The following KCNJ10 variants were observed in gnomAD, a reference collection of about 807,000 sequenced individuals.
KCNJ10 encodes the protein ATP-sensitive inward rectifier potassium channel 10.
In KCNJ10, 9 loss-of-function variants were observed where a neutral mutation model predicts 22.2. That is an observed-to-expected ratio of 0.40 (90% CI 0.24 to 0.71). The LOEUF is 0.71. KCNJ10 is among the 30% of genes least tolerant of loss of function. The pLI is 0.35. For synonymous variants in KCNJ10, 184 were observed against 187.3 expected (o/e 0.98, Z 0.15); for missense variants, 337 against 482.7 (o/e 0.70, Z 2.83).
chr1:160,043,027 T>C (rs1052759047), intron 1 of KCNJ10, among the ~76,000 whole-genome samples: 2 of 152,066 alleles, frequency 1.3e-5, no homozygotes, highest in Non-Finnish European at 2.9e-5. Flanking sequence ...AAGATGCCTA[T>C]TTAGTAAGCA....
intron 1 of KCNJ10, among the ~76,000 whole-genome samples, chr1:160,067,520 C>T (rs898216542): frequency 6.6e-6 from 1 of 152,214 alleles, no homozygotes; most frequent in African/African-American, 2.4e-5. Flanking sequence ...CAACGATGTG[C>T]CTTGGCTGAT....
At position 160,040,899 on chromosome 1, in the gene KCNJ10, G is replaced by C. The variant is rs918725037; in HGVS notation, c.*494C>G. The C allele has an allele frequency of 3.4e-5, 11 of 325,048 alleles. No individual in the cohort carries two copies. The Admixed American group carries it at 3.9e-4, about 12-fold the overall frequency. 20.1% of individuals were successfully genotyped at this position (325,048 alleles called of 1,614,324 possible). Reference sequence around the variant, plus strand: ...TCAACAGAGATTGGTAGAAACCCTAGGATATGTTGATATCAGATTCCTGTA... The same window carrying C: ...TCAACAGAGATTGGTAGAAACCCTACGATATGTTGATATCAGATTCCTGTA... On this transcript the variant is annotated 3_prime_UTR_variant, in exon 2 of 2. Transcript: ENST00000644903.
At chr1:160,061,896 C>T (rs1039745755) in intron 1 of KCNJ10, among the ~76,000 whole-genome samples, 1 of 151,830 alleles carries the variant, frequency 6.6e-6, no homozygotes, top group Non-Finnish European at 1.5e-5. Context: ...GTGTGTGGGG[C>T]CGCATAGATG....
intron 1 of KCNJ10, among the ~76,000 whole-genome samples, chr1:160,054,575 G>T (rs1275515831): frequency 1.3e-5 from 2 of 152,226 alleles, no homozygotes; most frequent in East Asian, 1.9e-4. Flanking sequence ...TGCTGAAAAG[G>T]TTCCGAAGGA....
intron 1 of KCNJ10, among the ~76,000 whole-genome samples, chr1:160,069,752 G>C (rs2101938489): frequency 6.6e-6 from 1 of 152,354 alleles, no homozygotes; most frequent in Admixed American, 6.5e-5. Flanking sequence ...GCAACTGCTG[G>C]TCTGCCCAGT....
Position 160,042,004 on chromosome 1 carries a change from C to G in KCNJ10, c.529G>C (p.Glu177Gln), listed in dbSNP as rs181534592. The G allele has an allele frequency of 6.4e-7, 1 of 1,573,738 alleles. No homozygotes were observed. The highest frequency in any genetic ancestry group is 2.2e-5 in the East Asian group (1 of 44,504). ...AKIARPKKRA[E>Q]TIRFSQHAVV... ...GCATGCTGGCTGAAACGAATGGTCTCAGCCCGCTTCTTGGGCCGGGCAATC... is the reference window on the plus strand; with the variant it reads ...GCATGCTGGCTGAAACGAATGGTCTGAGCCCGCTTCTTGGGCCGGGCAATC... The change falls in exon 2 of 2, where the codon GAG (glutamate) becomes CAG (glutamine). Residue 177 changes from glutamate (E) to glutamine (Q), a missense_variant. By Grantham distance (29) the Glu-to-Gln change is conservative. Transcript: ENST00000644903.
Position 160,041,688 on chromosome 1 carries a change from A to G in KCNJ10, c.845T>C (p.Ile282Thr). ...GGTGGACTCCACTGTCCCACTTAGG[A>G]TCAGCACCAGCTCAAAGTCACCCTC... ...SGEGDFELVL[I>T]LSGTVESTSA... The change falls in exon 2 of 2, where the codon ATC becomes ACC. Residue 282 changes from isoleucine to threonine, a missense_variant. Physicochemically the swap from Ile to Thr is moderately conservative, Grantham distance 89 (BLOSUM62 -1). This residue lies in a region of KCNJ10 where 165 missense variants were observed against 281.5 expected (regional missense o/e 0.59). Coordinates refer to ENST00000644903, the MANE Select transcript of KCNJ10 (RefSeq NM_002241.5). This position sits in a 1 kb window ranked among gnomAD's most constrained non-coding sequence, Gnocchi z 4.4. The G allele has an allele frequency of 6.2e-7, 1 of 1,614,154 alleles. No homozygotes were observed. Among genetic ancestry groups the G allele is most frequent in the Non-Finnish European group, 8.5e-7 (1 of 1,180,024 alleles).
rs559631630 is a variant in KCNJ10 at position 160,061,210 on chromosome 1, G to A, written c.-1+8812C>T. Among the ~76,000 whole-genome samples the A allele has an allele frequency of 1.2e-4, 18 of 152,226 alleles. No homozygotes were observed. The East Asian group carries it at 3.1e-3, about 26-fold the overall frequency. On this transcript the variant is annotated intron_variant, in intron 1 of 1. Transcript: ENST00000644903. ...TGAAACCAAGAGACAAATAGTTGGG[G>A]GAAAAACACAAAAAAACTAGCGGTG...
rs1243880831 is a variant in KCNJ10, at chr1:160,038,418, T to C, written c.*2975A>G. 6.6e-6 allele frequency: 1 copy of C among 152,184 alleles called. No individual in the cohort carries two copies. Among genetic ancestry groups the C allele is most frequent in the African/African-American group, 2.4e-5 (1 of 41,426 alleles). The allele number at this position is 152,184 out of a possible 1,614,324, so 9.4% of individuals were successfully genotyped here. ...CCTGGTCCTATCAGTAGCATAGGAT[T>C]CAACAAAAGCCTTCATGAATGCCTC... On this transcript the variant is annotated 3_prime_UTR_variant, in exon 2 of 2. Transcript: ENST00000644903.
Position 160,041,731 on chromosome 1 carries a change from G to T in KCNJ10, c.802C>A (p.Leu268Ile), listed in dbSNP as rs745976001. ...TCACCCTCACCACTGCGAAGAGGGA[G>T]ATCTTTCAAGGGACTGGTCTCATCT... is the stretch of plus-strand genomic sequence containing the variant. Reference protein sequence around the residue: ...VVDETSPLKDLPLRSGEGDFE... With the variant: ...VVDETSPLKDIPLRSGEGDFE... Residue 268 changes from leucine to isoleucine, a missense_variant, in exon 2 of 2, where the codon CTC (leucine) becomes ATC (isoleucine). Leu to Ile is a conservative substitution (Grantham distance 5). Around this residue, in one of 3 missense-constraint regions of KCNJ10, gnomAD observed 165 missense variants for 281.5 expected, o/e 0.59. Transcript: ENST00000644903. This position sits in a 1 kb window ranked among gnomAD's most constrained non-coding sequence, Gnocchi z 4.4. 2.5e-6 allele frequency: 4 copies of T among 1,614,172 alleles called. No homozygotes were observed. Among genetic ancestry groups the T allele is most frequent in the Non-Finnish European group, 3.4e-6 (4 of 1,180,040 alleles).
At chr1:160,062,762 T>G (rs1027574541) in intron 1 of KCNJ10, 2 of 152,166 alleles carry the variant, frequency 1.3e-5, no homozygotes, top group African/African-American at 2.4e-5. Context: ...CAAAGGAATT[T>G]TGTGGGCAGG....
At position 160,040,843 on chromosome 1, in the gene KCNJ10, C is replaced by G. The variant is rs986130357; in HGVS notation, c.*550G>C. 1.1e-5 allele frequency: 4 copies of G among 371,118 alleles called. No homozygotes were observed. Among genetic ancestry groups the G allele is most frequent in the African/African-American group, 4.2e-5 (2 of 48,142 alleles). The allele number at this position is 371,118 out of a possible 1,614,324, so 23.0% of individuals were successfully genotyped here. A position where few individuals can be genotyped will look rare whatever the true frequency, so the allele number is the denominator to read the frequency against. ...ATGGTCAGAAGTCACCAGCAGAAAT[C>G]AAGCTTCACAGTGGCAAACCCTGGC... On this transcript the variant is annotated 3_prime_UTR_variant, in exon 2 of 2. Transcript: ENST00000644903.
At chr1:160,049,677 A>ATT (rs72451655) in intron 1 of KCNJ10, among the ~76,000 whole-genome samples, 1,972 of 30,950 alleles carry the variant, frequency 0.064, 15 homozygotes, top group African/African-American at 0.088. Flanking sequence ...TTATTTATTT[A>ATT]TATATATATA....
At chr1:160,057,989 G>A (rs1162415444) in intron 1 of KCNJ10, among the ~76,000 whole-genome samples, 4 of 152,104 alleles carry the variant, frequency 2.6e-5, no homozygotes, top group African/African-American at 4.8e-5. Flanking sequence ...GCCAACTCCT[G>A]TAGAGGCTGT....
In KCNJ10 at chr1:160,070,124, C is replaced by G. The variant is rs1396684362; in HGVS notation, c.-103G>C. On this transcript the variant is annotated 5_prime_UTR_variant, in exon 1 of 2. Transcript: ENST00000644903. This position sits in a 1 kb window ranked among gnomAD's most constrained non-coding sequence, Gnocchi z 4.3. ...TTAGGAGCAGAGCTGTGCGACGGGC[C>G]GGGCCAGGACTCTTAAACCCGGAGC... is the stretch of plus-strand genomic sequence containing the variant. 1 of 152,242 alleles carries G rather than the reference C, an allele frequency of 6.6e-6. No homozygotes were observed. The highest frequency in any genetic ancestry group is 2.4e-5 in the African/African-American group (1 of 41,324). 9.4% of individuals were successfully genotyped at this position (152,242 alleles called of 1,614,324 possible).
intron 1 of KCNJ10, among the ~76,000 whole-genome samples, chr1:160,059,123 G>C (rs976749813): frequency 6.6e-6 from 1 of 152,184 alleles, no homozygotes. Context: ...GTGGAAACTA[G>C]ACTTACATGG....
At chr1:160,057,903 G>T (rs900386839) in intron 1 of KCNJ10, among the ~76,000 whole-genome samples, 1 of 152,198 alleles carries the variant, frequency 6.6e-6, no homozygotes, top group East Asian at 1.9e-4. Flanking sequence ...TTGGACCTAG[G>T]GGGTGGAGGG....
intron 1 of KCNJ10, among the ~76,000 whole-genome samples, chr1:160,043,183 T>C (rs1648652264): frequency 6.6e-6 from 1 of 151,664 alleles, no homozygotes; most frequent in Non-Finnish European, 1.5e-5. Flanking sequence ...AGCTCTAATT[T>C]TGAAATAGGA....
chr1:160,062,267 T>G lies in KCNJ10; in HGVS notation c.-1+7755A>C, dbSNP rs983704265. Among the ~76,000 whole-genome samples, 18 of 149,588 alleles carry G rather than the reference T, an allele frequency of 1.2e-4. 1 individual carries two copies. Among genetic ancestry groups the G allele is most frequent in the Admixed American group, 8.6e-4 (13 of 15,092 alleles). ...TCCGGACACTGGGGCGAAGGGGGGGTGGTGGGGAAGGCTCTGAAAGCAGGT... is the reference window on the plus strand; with the variant it reads ...TCCGGACACTGGGGCGAAGGGGGGGGGGTGGGGAAGGCTCTGAAAGCAGGT... On this transcript the variant is annotated intron_variant, in intron 1 of 1. Transcript: ENST00000644903.
Sources: allele counts gnomAD v4.1 joint callset (sites outside exome capture counted in the v4.1 genomes callset), GRCh38; gene constraint gnomAD v4.1.1; regional missense constraint gnomAD v4.1.1; non-coding constraint Gnocchi (gnomAD v3.1); transcripts MANE v1.5; gene names NCBI Gene and HGNC (gene_info 2026-07-23, HGNC 2026-07-21).